The following WDHD1 variants were observed in gnomAD, a reference collection of about 807,000 sequenced individuals.
The protein encoded by WDHD1 is WD repeat and HMG-box DNA binding protein 1.
Under a neutral mutation model 135.4 loss-of-function variants are expected in WDHD1, and 111 were observed. The observed-to-expected ratio is 0.82, with a 90% confidence interval of 0.70 to 0.96. The LOEUF (loss-of-function observed/expected upper bound fraction) is 0.96, where lower values mean the gene tolerates loss of function less well. Among genes scored for constraint, WDHD1 ranks in the 40% least tolerant of loss-of-function variants. The pLI, the probability that WDHD1 is intolerant of heterozygous loss-of-function variation, is 0.00. For synonymous variants in WDHD1, 434 were observed against 439.0 expected, an observed-to-expected ratio of 0.99 and a Z score of 0.14; for missense variants, 1,351 against 1,336.3, an observed-to-expected ratio of 1.01 and a Z score of -0.17.
chr14:55,002,206 C>T (rs1415902128), intron 7 of WDHD1, 21 bp from the exon 8 acceptor site: 41 of 1,494,408 alleles, frequency 2.7e-5, no homozygotes, highest in African/African-American at 5.7e-5. Context: ...AGATAAACAA[C>T]GTAAACAAAA....
At position 54,941,397 on chromosome 14, in the gene WDHD1, A is replaced by AAT. The variant is rs149068494; in HGVS notation, c.*91_*92dup. On this transcript the variant is annotated 3_prime_UTR_variant, in exon 26 of 26. Coordinates refer to ENST00000360586, the MANE Select transcript of WDHD1 (RefSeq NM_007086.4). ...AACAGTTGCTTCAAACTCTTTAAAA[A>AAT]ATATATATATAATGAGTTTCCCAAA... is the stretch of plus-strand genomic sequence containing the variant. The AAT allele has an allele frequency of 2.7e-5, 28 of 1,048,930 alleles. No individual in the cohort carries two copies. The South Asian group carries it at 3.5e-4, about 13-fold the overall frequency. 65.0% of individuals were successfully genotyped at this position (1,048,930 alleles called of 1,614,324 possible).
Position 54,995,811 on chromosome 14 carries a change from TA to T in WDHD1, c.944del (p.Val315AspfsTer18). 6.4e-7 allele frequency: 1 copy of T among 1,552,018 alleles called. No homozygotes were observed. The highest frequency in any genetic ancestry group is 2.3e-5 in the East Asian group (1 of 44,242). ...TATAATCCTTTTCCACTCTGCTAGA[TA>T]CCTTGAACAAATTAATACAAATTAT... Reference protein sequence around the residue: ...DPSGKTSSSKVSSRVEKDYND... With the variant: ...DPSGKTSSSKXSSRVEKDYND... On this transcript the variant is annotated frameshift_variant and splice_region_variant, in exon 11 of 26. Coordinates refer to ENST00000360586, the MANE Select transcript of WDHD1 (RefSeq NM_007086.4). LOFTEE classifies it high-confidence loss of function.
Position 54,962,975 on chromosome 14 carries a change from A to ATCTTCT in WDHD1, c.2502_2507dup (p.Glu834_Glu835dup), listed in dbSNP as rs138036839. The ATCTTCT allele has an allele frequency of 6.2e-7, 1 of 1,613,070 alleles. No homozygotes were observed. The highest frequency in any genetic ancestry group is 8.5e-7 in the Non-Finnish European group (1 of 1,179,354). ...ACCCAGCATTCAGCTTTTTTCTGAA[A>ATCTTCT]TCTTCTTCTTCTTCTTCCTCTTCCA... On this transcript the variant is annotated inframe_insertion, in exon 19 of 26. Transcript: ENST00000360586.
chr14:54,947,263 C>T (rs1006916647), intron 24 of WDHD1, among the ~76,000 whole-genome samples: 3 of 151,942 alleles, frequency 2.0e-5, no homozygotes, highest in African/African-American at 7.3e-5. Context: ...CACTTGAACC[C>T]AGAGGCAGAG....
At chr14:54,943,090 C>T (rs1051316078) in intron 25 of WDHD1, among the ~76,000 whole-genome samples, 2 of 152,192 alleles carry the variant, frequency 1.3e-5, no homozygotes, top group Admixed American at 6.5e-5. Flanking sequence ...TACTAGGTGC[C>T]TGTGCTGCGC....
At chr14:55,001,368 C>T (rs1010169737) in intron 8 of WDHD1, among the ~76,000 whole-genome samples, 1 of 152,202 alleles carries the variant, frequency 6.6e-6, no homozygotes, top group African/African-American at 2.4e-5. Context: ...TCAAGCAATC[C>T]TCCTGCCTCA....
chr14:55,010,690 A>G (rs1196430258), intron 3 of WDHD1, among the ~76,000 whole-genome samples: 2 of 152,228 alleles, frequency 1.3e-5, no homozygotes, highest in African/African-American at 4.8e-5. Context: ...TTAGCCTCTA[A>G]TTTTTCTTTT....
chr14:54,946,180 C>A (rs770383222), intron 24 of WDHD1, among the ~76,000 whole-genome samples: 13 of 152,184 alleles, frequency 8.5e-5, no homozygotes, highest in Admixed American at 3.9e-4. Flanking sequence ...TACTTCTAAA[C>A]AGCTATTTTT....
In WDHD1 at chr14:54,995,718, G is replaced by T. The variant is rs771685194; in HGVS notation, c.1038C>A (p.Ile346=). The T allele has an allele frequency of 6.2e-7, 1 of 1,613,564 alleles. No individual in the cohort carries two copies. Among genetic ancestry groups the T allele is most frequent in the Non-Finnish European group, 8.5e-7 (1 of 1,179,812 alleles). ...TTATAATCCCTTTTGAAAAAGAAGGGATCTCAACTGCATTGTCATTTAGAA... is the reference window on the plus strand; with the variant it reads ...TTATAATCCCTTTTGAAAAAGAAGGTATCTCAACTGCATTGTCATTTAGAA... ...GDFLNDNAVE[I]PSFSKGIIND... is the part of the protein sequence containing the mutation. The change falls in exon 11 of 26, where the codon ATC becomes ATA. Residue 346 remains isoleucine (I), a synonymous_variant. Coordinates refer to ENST00000360586, the MANE Select transcript of WDHD1 (RefSeq NM_007086.4).
intron 9 of WDHD1, 56 bp downstream of exon 9, chr14:55,000,830 A>G (rs2041968133): frequency 7.7e-7 from 1 of 1,302,068 alleles, no homozygotes; most frequent in Non-Finnish European, 1.0e-6. Flanking sequence ...AAATAAAACA[A>G]ATACAAAACT....
Position 55,000,973 on chromosome 14 carries a change from C to A in WDHD1, c.713G>T (p.Trp238Leu), listed in dbSNP as rs766254449. 3.8e-6 allele frequency: 6 copies of A among 1,579,342 alleles called. No homozygotes were observed. In the African/African-American group the frequency reaches 4.1e-5, roughly 11 times the overall value. ...AGCTAAATATTGCCCACAGGGAGAC[C>A]AGGTTACTATATTGAGGGTCTGTAA... ...FISQTLNIVT[W>L]SPCGQYLAAG... Residue 238 changes from tryptophan to leucine, a missense_variant, in exon 9 of 26, where the codon TGG (tryptophan) becomes TTG (leucine). Trp to Leu is a moderately conservative substitution (Grantham distance 61). Transcript: ENST00000360586.
At chr14:55,007,455 G>A in intron 6 of WDHD1, 80 bp from the exon 7 acceptor site, 1 of 1,044,980 alleles carries the variant, frequency 9.6e-7, no homozygotes, top group Non-Finnish European at 1.4e-6. Context: ...ATATTTAAAG[G>A]TTCTTCAAAT....
chr14:54,976,773 C>T (rs1011221349), intron 16 of WDHD1, among the ~76,000 whole-genome samples: 1 of 151,526 alleles, frequency 6.6e-6, no homozygotes, highest in Non-Finnish European at 1.5e-5. Context: ...AAATGTTCTA[C>T]AAGGGTGTAC....
intron 21 of WDHD1, among the ~76,000 whole-genome samples, chr14:54,958,824 T>TC (rs1247114992): frequency 6.6e-6 from 1 of 152,192 alleles, no homozygotes. Flanking sequence ...CTTTACATTC[T>TC]CCCCCAATGC....
At position 54,985,071 on chromosome 14, in the gene WDHD1, G is replaced by C. The variant is rs539007890; in HGVS notation, c.1769-211C>G. ...TCTTCACATAAAGTCCTTATAAGTG[G>C]GCATTTATTCACTCAAGACATATTT... On this transcript the variant is annotated intron_variant, in intron 14 of 25. Coordinates refer to ENST00000360586, the MANE Select transcript of WDHD1 (RefSeq NM_007086.4). Among the ~76,000 whole-genome samples the C allele has an allele frequency of 3.9e-5, 6 of 152,148 alleles. No homozygotes were observed. The South Asian group carries it at 1.0e-3, about 26-fold the overall frequency.
At chr14:55,017,179 TAATACA>T (rs1030977821) in intron 2 of WDHD1, among the ~76,000 whole-genome samples, 3 of 152,210 alleles carry the variant, frequency 2.0e-5, no homozygotes, top group African/African-American at 7.2e-5. Flanking sequence ...ATTTTTACAG[TAATACA>T]AATACAAACT....
chr14:55,018,781 C>T (rs914781583), intron 2 of WDHD1, among the ~76,000 whole-genome samples: 4 of 152,206 alleles, frequency 2.6e-5, no homozygotes, highest in Non-Finnish European at 5.9e-5. Flanking sequence ...CTAGGCCAGG[C>T]ATGGTGGCTC....
chr14:54,957,260 A>C, intron 22 of WDHD1, 56 bp from the exon 23 acceptor site: 1 of 1,524,598 alleles, frequency 6.6e-7, no homozygotes, highest in Non-Finnish European at 8.8e-7. Flanking sequence ...ATAAAATCCC[A>C]AGAGACTTAT....
In WDHD1 at chr14:54,966,539, T is replaced by A; in HGVS notation, c.2246A>T (p.Tyr749Phe). 1 of 1,609,732 alleles carries A rather than the reference T, an allele frequency of 6.2e-7. No homozygotes were observed. Among genetic ancestry groups the A allele is most frequent in the South Asian group, 1.1e-5 (1 of 90,052 alleles). The part of the protein sequence containing the change: ...LDYLAKNGYE[Y>F]EESTKNQATK... ...TGCTTGATTTTTAGTGCTCTCTTCA[T>A]ATTCATAACCATTTTTAGCTAAATA... Residue 749 changes from tyrosine to phenylalanine, a missense_variant, in exon 18 of 26, where the codon TAT becomes TTT. By Grantham distance (22) the Tyr-to-Phe change is conservative. This residue lies in a region of WDHD1 where 1,330 missense variants were observed against 1,296.1 expected (regional missense o/e 1.03). Coordinates refer to ENST00000360586, the MANE Select transcript of WDHD1 (RefSeq NM_007086.4).
Sources: gnomAD v4.1 joint callset for allele counts (sites outside exome capture counted in the v4.1 genomes callset) on GRCh38, gnomAD v4.1.1 for gene constraint, gnomAD v4.1.1 regional missense constraint, MANE v1.5 for transcripts, NCBI Gene and HGNC (gene_info 2026-07-23, HGNC 2026-07-21) for gene names.